RAB38: variants seen among roughly 807,000 people sequenced by gnomAD.
RAB38 encodes the protein ras-related protein Rab-38.
A neutral mutation model predicts 18.4 loss-of-function variants in RAB38; 15 were observed. The ratio of observed to expected loss-of-function variants is 0.82; its 90% CI spans 0.55 to 1.26. The LOEUF is 1.26. Among genes scored for constraint, RAB38 ranks in the 50% most tolerant of loss-of-function variants. The pLI is 0.00. For missense variants in RAB38, 294 were observed against 267.4 expected (o/e 1.10, Z -0.69); for synonymous variants, 101 against 104.4 (o/e 0.97, Z 0.20).
At chr11:88,034,546 GAT>G in the RAB38 span, among the ~76,000 whole-genome samples, 1 of 152,210 alleles carries the variant, frequency 6.6e-6, no homozygotes, top group African/African-American at 2.4e-5. Context: ...CATTATGACA[GAT>G]ATGTTATGAC....
the RAB38 span, among the ~76,000 whole-genome samples, chr11:88,064,595 A>G: frequency 6.6e-6 from 1 of 152,250 alleles, no homozygotes; most frequent in Non-Finnish European, 1.5e-5. Context: ...TATTCTCTTA[A>G]GCCACTGAGA....
chr11:87,908,142 G>A, the RAB38 span, among the ~76,000 whole-genome samples: 3 of 151,816 alleles, frequency 2.0e-5, no homozygotes, highest in Admixed American at 1.3e-4. Flanking sequence ...GCAGTTCGGA[G>A]GGATGCCTAG....
chr11:87,963,098 TAA>T, the RAB38 span, among the ~76,000 whole-genome samples: 2 of 152,192 alleles, frequency 1.3e-5, no homozygotes, highest in Non-Finnish European at 2.9e-5. Flanking sequence ...TAATTTGATA[TAA>T]GTTGCATTAA....
chr11:88,105,392 G>A, the RAB38 span, among the ~76,000 whole-genome samples: 17 of 152,024 alleles, frequency 1.1e-4, no homozygotes, highest in Non-Finnish European at 2.4e-4. Context: ...CAAATCTATG[G>A]CTATATTAGT....
chr11:87,910,870 T>G, the RAB38 span, among the ~76,000 whole-genome samples: 1 of 151,854 alleles, frequency 6.6e-6, no homozygotes, highest in East Asian at 1.9e-4. Context: ...CTCCTGACCT[T>G]GTGATCCAGC....
At chr11:88,090,077 C>T in the RAB38 span, among the ~76,000 whole-genome samples, 1 of 151,834 alleles carries the variant, frequency 6.6e-6, no homozygotes. Flanking sequence ...GGAATGGTTT[C>T]CTAGAGGTAC....
the RAB38 span, among the ~76,000 whole-genome samples, chr11:87,806,532 G>A: frequency 2.0e-5 from 3 of 152,050 alleles, no homozygotes; most frequent in Admixed American, 2.0e-4. Context: ...AATTTTGGGG[G>A]CCTACAAACA....
chr11:88,081,359 T>C, the RAB38 span, among the ~76,000 whole-genome samples: 2 of 151,936 alleles, frequency 1.3e-5, no homozygotes, highest in African/African-American at 4.8e-5. Context: ...AGAAGCTGTG[T>C]TAGTTTTCTA....
chr11:87,948,054 A>G, the RAB38 span, among the ~76,000 whole-genome samples: 11 of 152,094 alleles, frequency 7.2e-5, no homozygotes, highest in African/African-American at 2.4e-4. Flanking sequence ...ATTTGTTTGT[A>G]TCCTCTTTTA....
chr11:88,152,523 A>G (rs1286994308), intron 1 of RAB38, among the ~76,000 whole-genome samples: 1 of 152,188 alleles, frequency 6.6e-6, no homozygotes, highest in Non-Finnish European at 1.5e-5. Flanking sequence ...AAAGATGTTT[A>G]TATGTTCAGG....
chr11:87,813,499 TCACACACACACACA>T, the RAB38 span, among the ~76,000 whole-genome samples: 8 of 146,954 alleles, frequency 5.4e-5, no homozygotes, highest in African/African-American at 1.0e-4. Flanking sequence ...ATCATACACA[TCACACACACACACA>T]CACACACACA....
chr11:87,823,973 G>C, the RAB38 span, among the ~76,000 whole-genome samples: 1 of 152,088 alleles, frequency 6.6e-6, no homozygotes, highest in Admixed American at 6.5e-5. Flanking sequence ...TATTTAAACA[G>C]CTCATGAAAT....
chr11:88,112,407 T>C (rs1350798003), downstream of RAB38, among the ~76,000 whole-genome samples: 2 of 151,948 alleles, frequency 1.3e-5, no homozygotes, highest in Non-Finnish European at 2.9e-5. Flanking sequence ...CTGGAAAGAG[T>C]AGAAGGCCTC....
chr11:87,834,486 C>A, the RAB38 span, among the ~76,000 whole-genome samples: 1 of 152,060 alleles, frequency 6.6e-6, no homozygotes, highest in Non-Finnish European at 1.5e-5. Context: ...AAAACTAATA[C>A]AGAGATTAAG....
At chr11:88,026,128 C>T in the RAB38 span, among the ~76,000 whole-genome samples, 2 of 151,928 alleles carry the variant, frequency 1.3e-5, no homozygotes, top group Non-Finnish European at 2.9e-5. Flanking sequence ...CCACGTCTGG[C>T]TAATTTTTGT....
the RAB38 span, among the ~76,000 whole-genome samples, chr11:88,041,429 T>C: frequency 6.6e-6 from 1 of 152,238 alleles, no homozygotes; most frequent in African/African-American, 2.4e-5. Flanking sequence ...TCTGTCACAA[T>C]ACACATTATA....
the RAB38 span, among the ~76,000 whole-genome samples, chr11:88,031,758 T>C: frequency 1.9e-4 from 29 of 152,210 alleles, no homozygotes; most frequent in African/African-American, 6.5e-4. Flanking sequence ...GAACATTCCA[T>C]GCTCAAGGGT....
chr11:88,092,085 A>G, the RAB38 span, among the ~76,000 whole-genome samples: 6 of 151,744 alleles, frequency 4.0e-5, no homozygotes, highest in Admixed American at 3.9e-4. Flanking sequence ...TATGGCAGTG[A>G]TCAATGAGGG....
intron 2 of RAB38, among the ~76,000 whole-genome samples, chr11:88,139,950 C>T (rs1008412411): frequency 6.6e-6 from 1 of 152,168 alleles, no homozygotes; most frequent in Admixed American, 6.5e-5. Flanking sequence ...GCTCAAATGA[C>T]AGTAGCTAAA....
Sources: allele counts gnomAD v4.1 joint callset (sites outside exome capture counted in the v4.1 genomes callset), GRCh38; gene constraint gnomAD v4.1.1; transcripts MANE v1.5; gene names NCBI Gene and HGNC (gene_info 2026-07-23, HGNC 2026-07-21).